Variants in OLA1 observed in about 807,000 individuals in gnomAD.
OLA1 encodes the protein Obg like ATPase 1.
OLA1 carries 14 observed loss-of-function variants against 48.4 expected under a neutral mutation model. The ratio of observed to expected loss-of-function variants is 0.29; its 90% CI spans 0.19 to 0.45. The LOEUF (loss-of-function observed/expected upper bound fraction) is 0.45, where lower values mean the gene tolerates loss of function less well. Among genes scored for constraint, OLA1 ranks in the 20% least tolerant of loss-of-function variants. The pLI, the probability that OLA1 is intolerant of heterozygous loss-of-function variation, is 1.00. For missense variants in OLA1, 325 were observed against 467.1 expected, an observed-to-expected ratio of 0.70 and a Z score of 2.80; for synonymous variants, 127 against 150.4, an observed-to-expected ratio of 0.84 and a Z score of 1.14.
intron 4 of OLA1, among the ~76,000 whole-genome samples, chr2:174,182,057 AG>A (rs1687556353): frequency 6.6e-6 from 1 of 152,216 alleles, no homozygotes; most frequent in South Asian, 2.1e-4. Context: ...CAATAAAATA[AG>A]GAACTGAAAG....
chr2:174,180,910 C>T (rs1249039918), intron 4 of OLA1, among the ~76,000 whole-genome samples: 1 of 152,150 alleles, frequency 6.6e-6, no homozygotes, highest in Non-Finnish European at 1.5e-5. Context: ...CTTAAAAATG[C>T]ACACACCCTT....
Position 174,196,452 on chromosome 2 carries a change from G to A in OLA1, c.373+26581C>T, listed in dbSNP as rs145326957. 1.4e-3 allele frequency among the ~76,000 whole-genome samples: 217 copies of A among 152,270 alleles called. 1 individual carries two copies. The East Asian group carries it at 0.014, about 10-fold the overall frequency. On this transcript the variant is annotated intron_variant, in intron 4 of 10. Coordinates refer to ENST00000284719, the MANE Select transcript of OLA1 (RefSeq NM_013341.5). Reference sequence around the variant, plus strand: ...TCTTATTTGCTACCAAAATAAGGGAGAGATTTTTATGAAACTGTCATTTTA... The same window carrying A: ...TCTTATTTGCTACCAAAATAAGGGAAAGATTTTTATGAAACTGTCATTTTA...
chr2:174,100,652 C>T (rs867871725), intron 7 of OLA1, among the ~76,000 whole-genome samples: 22 of 152,214 alleles, frequency 1.4e-4, no homozygotes, highest in Middle Eastern at 3.4e-3. Context: ...AAATGATCCC[C>T]GCCTCAGCCT....
chr2:174,237,223 C>A (rs917724150), intron 2 of OLA1, among the ~76,000 whole-genome samples: 1 of 151,586 alleles, frequency 6.6e-6, no homozygotes, highest in Non-Finnish European at 1.5e-5. Flanking sequence ...GAGACATAAA[C>A]ACATACATTA....
chr2:174,128,568 A>AAAAG (rs1686099435), intron 5 of OLA1, among the ~76,000 whole-genome samples: 1 of 151,750 alleles, frequency 6.6e-6, no homozygotes, highest in Non-Finnish European at 1.5e-5. Flanking sequence ...CATCTCTACT[A>AAAAG]AAATAAATAA....
chr2:174,135,330 G>A (rs1457042283), intron 5 of OLA1, among the ~76,000 whole-genome samples: 2 of 152,246 alleles, frequency 1.3e-5, no homozygotes, highest in East Asian at 3.9e-4. Flanking sequence ...AGAACTTTGT[G>A]AGCCATGGCC....
chr2:174,239,177 T>C (rs1688935775), intron 2 of OLA1, among the ~76,000 whole-genome samples: 1 of 152,160 alleles, frequency 6.6e-6, no homozygotes, highest in Admixed American at 6.5e-5. Flanking sequence ...ATAATAACTG[T>C]TTCAGTAAGA....
rs569458302 is a variant in OLA1, at chr2:174,081,142, T to C, written c.966+10A>G. The C allele has an allele frequency of 5.5e-5, 89 of 1,605,036 alleles. No individual in the cohort carries two copies. Among genetic ancestry groups the C allele is most frequent in the Admixed American group, 4.3e-4 (26 of 59,902 alleles). On this transcript the variant is annotated intron_variant, in intron 9 of 10. Transcript: ENST00000284719. The stretch of plus-strand genomic sequence containing the variant: ...ACTGGATATAGCTGATGAATAAGTA[T>C]GAATCTTACCCTGATGGTCCATGCA...
chr2:174,160,233 T>C (rs1009800323), intron 4 of OLA1, among the ~76,000 whole-genome samples: 1 of 152,160 alleles, frequency 6.6e-6, no homozygotes, highest in African/African-American at 2.4e-5. Context: ...TAATCCTCCA[T>C]AGGCTTATAT....
intron 4 of OLA1, among the ~76,000 whole-genome samples, chr2:174,164,171 C>T (rs1364414779): frequency 1.3e-5 from 2 of 152,076 alleles, no homozygotes; most frequent in Non-Finnish European, 2.9e-5. Flanking sequence ...CAGCCTCATG[C>T]AGAACTGTAA....
intron 10 of OLA1, among the ~76,000 whole-genome samples, chr2:174,077,259 TC>T (rs1370278538): frequency 2.6e-5 from 4 of 152,178 alleles, no homozygotes; most frequent in Non-Finnish European, 4.4e-5. Context: ...ACAGAGCTAT[TC>T]AGTATATAGT....
rs1320166649 is a variant in OLA1 at position 174,223,179 on chromosome 2, C to T, written c.246-19G>A. On this transcript the variant is annotated intron_variant, in intron 3 of 10. Transcript: ENST00000284719. ...AATTTTGCTGAAAAACAAAAGATGG[C>T]TTTATTATAAAACAGTACTAAAAAC... 1.9e-6 allele frequency: 3 copies of T among 1,611,664 alleles called. No individual in the cohort carries two copies. Among genetic ancestry groups the T allele is most frequent in the Admixed American group, 1.7e-5 (1 of 59,796 alleles).
intron 5 of OLA1, among the ~76,000 whole-genome samples, chr2:174,128,921 G>A (rs1323207244): frequency 6.6e-6 from 1 of 152,042 alleles, no homozygotes; most frequent in Non-Finnish European, 1.5e-5. Flanking sequence ...AGAACAGCAG[G>A]TTTAGAACAA....
intron 7 of OLA1, among the ~76,000 whole-genome samples, chr2:174,118,574 A>T (rs1655010648): frequency 1.3e-5 from 2 of 152,232 alleles, no homozygotes; most frequent in South Asian, 4.1e-4. Flanking sequence ...TTAATTTTTT[A>T]AAAAGTACTT....
At chr2:174,145,213 T>C (rs566144746) in intron 4 of OLA1, among the ~76,000 whole-genome samples, 8 of 151,996 alleles carry the variant, frequency 5.3e-5, no homozygotes, top group African/African-American at 1.9e-4. Context: ...TTTTATAATG[T>C]AGGAATTACT....
intron 4 of OLA1, among the ~76,000 whole-genome samples, chr2:174,148,524 TTAA>T (rs1270995084): frequency 6.6e-6 from 1 of 152,194 alleles, no homozygotes; most frequent in Non-Finnish European, 1.5e-5. Context: ...AGAAAAAAAA[TTAA>T]CCATAATAGG....
chr2:174,163,728 A>C (rs1687075994), intron 4 of OLA1, among the ~76,000 whole-genome samples: 2 of 10,076 alleles, frequency 2.0e-4, no homozygotes, highest in Admixed American at 9.6e-4. Flanking sequence ...ATATATATAT[A>C]TATATATATA....
chr2:174,183,009 G>A (rs544601805), intron 4 of OLA1, among the ~76,000 whole-genome samples: 1 of 152,238 alleles, frequency 6.6e-6, no homozygotes, highest in East Asian at 1.9e-4. Flanking sequence ...AAATGTTAAA[G>A]ACAGTTTCAC....
intron 10 of OLA1, among the ~76,000 whole-genome samples, chr2:174,075,989 A>C (rs1684727314): frequency 6.6e-6 from 1 of 152,202 alleles, no homozygotes; most frequent in South Asian, 2.1e-4. Flanking sequence ...GTATAAGGAA[A>C]ATTATGATCA....
Sources: gnomAD v4.1 joint callset for allele counts (sites outside exome capture counted in the v4.1 genomes callset) on GRCh38, gnomAD v4.1.1 for gene constraint, MANE v1.5 for transcripts, NCBI Gene and HGNC (gene_info 2026-07-23, HGNC 2026-07-21) for gene names.